DTNB: variants seen among roughly 807,000 people sequenced by gnomAD.
The protein encoded by DTNB is dystrobrevin beta.
In DTNB, 63 loss-of-function variants were observed where a neutral mutation model predicts 90.7. That is an observed-to-expected ratio of 0.69 (90% CI 0.57 to 0.86). DTNB has a LOEUF of 0.86. DTNB is among the 40% of genes least tolerant of loss of function. DTNB has a pLI of 0.00. For synonymous variants in DTNB, 277 were observed against 286.7 expected, an observed-to-expected ratio of 0.97 and a Z score of 0.34; for missense variants, 744 against 807.1, an observed-to-expected ratio of 0.92 and a Z score of 0.95.
In DTNB at chr2:25,545,649, T is replaced by C. The variant is rs116448034; in HGVS notation, c.877-14052A>G. Among the ~76,000 whole-genome samples, 33 of 152,322 alleles carry C rather than the reference T, an allele frequency of 2.2e-4. 1 individual carries two copies. The highest frequency in any genetic ancestry group is 7.7e-4 in the African/African-American group (32 of 41,570). On this transcript the variant is annotated intron_variant, in intron 8 of 20. Coordinates refer to ENST00000406818, the MANE Select transcript of DTNB (RefSeq NM_021907.5). Reference sequence around the variant, plus strand: ...CCTGAGGAACTTTATTGTTTATTTTTGAGACAGAGTCACCCAGGCTGGAGT... The same window carrying C: ...CCTGAGGAACTTTATTGTTTATTTTCGAGACAGAGTCACCCAGGCTGGAGT...
At chr2:25,646,235 G>A (rs1180173891) in intron 2 of DTNB, among the ~76,000 whole-genome samples, 11 of 152,104 alleles carry the variant, frequency 7.2e-5, no homozygotes, top group Non-Finnish European at 1.6e-4. Flanking sequence ...CAACACTTTG[G>A]GAGGTCGAGG....
chr2:25,446,535 T>C (rs1284935803), intron 12 of DTNB, among the ~76,000 whole-genome samples: 2 of 152,084 alleles, frequency 1.3e-5, no homozygotes, highest in Non-Finnish European at 2.9e-5. Flanking sequence ...GGATTACAGG[T>C]GTGAGCCACT....
chr2:25,468,154 G>C (rs561035977), intron 10 of DTNB, among the ~76,000 whole-genome samples: 98 of 152,240 alleles, frequency 6.4e-4, no homozygotes, highest in Non-Finnish European at 1.1e-3. Flanking sequence ...AGTCTGTTTT[G>C]ATTCCAAAGT....
chr2:25,543,901 G>A (rs1191057001), intron 8 of DTNB, among the ~76,000 whole-genome samples: 1 of 152,086 alleles, frequency 6.6e-6, no homozygotes, highest in East Asian at 1.9e-4. Context: ...TCTCAAAATA[G>A]TTTTATGAAT....
chr2:25,666,371 C>T (rs745457873), intron 1 of DTNB, among the ~76,000 whole-genome samples: 12 of 152,178 alleles, frequency 7.9e-5, no homozygotes, highest in Middle Eastern at 3.4e-3. Flanking sequence ...AGAAAACTTC[C>T]TTAAATTGAC....
At chr2:25,496,698 C>T (rs1289826835) in intron 9 of DTNB, among the ~76,000 whole-genome samples, 2 of 152,094 alleles carry the variant, frequency 1.3e-5, no homozygotes, top group Non-Finnish European at 2.9e-5. Context: ...CAAAAATTAG[C>T]CAGGCATGGT....
At chr2:25,531,995 C>T (rs1259950513) in intron 8 of DTNB, among the ~76,000 whole-genome samples, 4 of 152,088 alleles carry the variant, frequency 2.6e-5, no homozygotes, top group Admixed American at 6.5e-5. Flanking sequence ...ACCTATAATC[C>T]CAGCTCTTTG....
chr2:25,454,425 CTG>C (rs1290973236), intron 11 of DTNB, among the ~76,000 whole-genome samples: 3 of 152,196 alleles, frequency 2.0e-5, no homozygotes, highest in African/African-American at 7.2e-5. Flanking sequence ...GCTTCAGCCT[CTG>C]TTATGTGTAC....
At chr2:25,639,132 C>T (rs2148830795) in intron 2 of DTNB, 38 bp from the exon 3 acceptor site, 4 of 1,512,138 alleles carry the variant, frequency 2.6e-6, no homozygotes, top group Non-Finnish European at 3.6e-6. Context: ...ACTAGATTTA[C>T]CATTTAGTTT....
At chr2:25,572,635 C>G (rs2060051512) in intron 8 of DTNB, among the ~76,000 whole-genome samples, 1 of 151,710 alleles carries the variant, frequency 6.6e-6, no homozygotes, top group African/African-American at 2.4e-5. Flanking sequence ...CCTACCCTGC[C>G]AGACCAAGTT....
At chr2:25,576,242 T>TCC (rs1338134321) in intron 8 of DTNB, among the ~76,000 whole-genome samples, 9 of 146,166 alleles carry the variant, frequency 6.2e-5, no homozygotes, top group Admixed American at 2.0e-4. Context: ...TTTTTTTTTT[T>TCC]TGAGACAGAG....
chr2:25,652,318 G>A (rs1235291936), intron 2 of DTNB, among the ~76,000 whole-genome samples: 1 of 152,034 alleles, frequency 6.6e-6, no homozygotes, highest in Non-Finnish European at 1.5e-5. Flanking sequence ...TACAGCAAGA[G>A]ATCTAAATTG....
intron 9 of DTNB, among the ~76,000 whole-genome samples, chr2:25,524,023 T>A (rs565284626): frequency 2.0e-3 from 304 of 150,782 alleles, no homozygotes; most frequent in Middle Eastern, 0.014. Flanking sequence ...TGCCTCAGCC[T>A]CCCGAGTAGC....
At chr2:25,647,606 G>A (rs2079778931) in intron 2 of DTNB, among the ~76,000 whole-genome samples, 1 of 152,084 alleles carries the variant, frequency 6.6e-6, no homozygotes, top group African/African-American at 2.4e-5. Flanking sequence ...CAGGTGCGGT[G>A]GCCCACGCTT....
At chr2:25,445,303 C>T (rs1644283634) in intron 12 of DTNB, among the ~76,000 whole-genome samples, 1 of 152,170 alleles carries the variant, frequency 6.6e-6, no homozygotes, top group African/African-American at 2.4e-5. Flanking sequence ...AACCAAATAG[C>T]ACTTTTCTGT....
intron 8 of DTNB, among the ~76,000 whole-genome samples, chr2:25,535,125 G>A (rs2079188522): frequency 6.6e-6 from 1 of 150,396 alleles, no homozygotes; most frequent in South Asian, 2.1e-4. Flanking sequence ...CCGGGCAGAG[G>A]TGCTCCTCAC....
intron 5 of DTNB, among the ~76,000 whole-genome samples, chr2:25,603,619 T>C (rs2066390093): frequency 6.7e-6 from 1 of 149,306 alleles, no homozygotes; most frequent in Non-Finnish European, 1.5e-5. Context: ...GAGGAGAAAA[T>C]CATAGGAAAA....
intron 2 of DTNB, among the ~76,000 whole-genome samples, chr2:25,644,334 G>T (rs858648): frequency 0.52 from 79,797 of 152,028 alleles, 21,256 homozygotes; most frequent in East Asian, 0.79. Context: ...TAAGTGTATT[G>T]TGTTTAAAAT....
intron 4 of DTNB, among the ~76,000 whole-genome samples, chr2:25,626,127 C>T (rs1474237287): frequency 6.6e-6 from 1 of 152,104 alleles, no homozygotes; most frequent in Non-Finnish European, 1.5e-5. Flanking sequence ...TAGACTAAAG[C>T]GCCATAGTAT....
Sources: allele counts gnomAD v4.1 joint callset (sites outside exome capture counted in the v4.1 genomes callset), GRCh38; gene constraint gnomAD v4.1.1; transcripts MANE v1.5; gene names NCBI Gene and HGNC (gene_info 2026-07-23, HGNC 2026-07-21).